KIAA1958: variants seen among roughly 807,000 people sequenced by gnomAD.
KIAA1958 encodes uncharacterized protein KIAA1958.
KIAA1958 carries 14 observed loss-of-function variants against 47.2 expected under a neutral mutation model. The observed-to-expected ratio is 0.30, with a 90% CI of 0.20 to 0.46. KIAA1958 has a LOEUF of 0.46. Ranked by LOEUF, KIAA1958 falls within the 20% of genes least tolerant of loss-of-function variation. The probability of loss-of-function intolerance (pLI) is 1.00; values close to 1 mark genes in which losing one functional copy is unlikely to be tolerated. For synonymous variants in KIAA1958, 354 were observed against 353.3 expected, an observed-to-expected ratio of 1.00 and a Z score of -0.02; for missense variants, 803 against 909.2, an observed-to-expected ratio of 0.88 and a Z score of 1.50.
chr9:112,495,787 C>T (rs778210825), intron 1 of KIAA1958, among the ~76,000 whole-genome samples: 10 of 152,324 alleles, frequency 6.6e-5, no homozygotes, highest in Middle Eastern at 3.4e-3. Context: ...TGTTCCCTTC[C>T]GCAGTGAGTC....
At chr9:112,558,008 C>T (rs1049753172) in intron 1 of KIAA1958, among the ~76,000 whole-genome samples, 9 of 151,992 alleles carry the variant, frequency 5.9e-5, no homozygotes, top group Admixed American at 1.3e-4. Flanking sequence ...GGGTGGATCA[C>T]GAGGTCAGGA....
intron 1 of KIAA1958, among the ~76,000 whole-genome samples, chr9:112,513,396 C>A (rs1260588653): frequency 1.3e-5 from 2 of 149,144 alleles, no homozygotes; most frequent in African/African-American, 5.0e-5. Context: ...TGCAGAGGCT[C>A]AGGGGAGAGC....
chr9:112,568,655 G>A (rs1588021651), intron 1 of KIAA1958, among the ~76,000 whole-genome samples: 1 of 152,028 alleles, frequency 6.6e-6, no homozygotes, highest in East Asian at 1.9e-4. Flanking sequence ...GGCTGAGGTA[G>A]ATCGCTTGAG....
intron 1 of KIAA1958, among the ~76,000 whole-genome samples, chr9:112,569,021 T>A (rs1274427675): frequency 1.4e-5 from 2 of 141,498 alleles, no homozygotes; most frequent in African/African-American, 5.3e-5. Flanking sequence ...TGCATGGAGG[T>A]AGTCTGTAAG....
chr9:112,502,103 G>A (rs984819884), intron 1 of KIAA1958, among the ~76,000 whole-genome samples: 3 of 152,170 alleles, frequency 2.0e-5, no homozygotes, highest in African/African-American at 7.2e-5. Context: ...TGAGTAGAAA[G>A]GAGGAGGGGA....
chr9:112,533,508 G>A (rs574396976), intron 1 of KIAA1958, among the ~76,000 whole-genome samples: 11 of 147,034 alleles, frequency 7.5e-5, no homozygotes, highest in Non-Finnish European at 4.4e-5. Context: ...GTGAACCCGG[G>A]AGACGGAGCT....
chr9:112,634,784 C>T (rs1836775326), intron 2 of KIAA1958, among the ~76,000 whole-genome samples: 1 of 152,056 alleles, frequency 6.6e-6, no homozygotes, highest in African/African-American at 2.4e-5. Flanking sequence ...TCTGTTTATC[C>T]ACTTTTTACT....
At chr9:112,535,000 A>C (rs568188072) in intron 1 of KIAA1958, among the ~76,000 whole-genome samples, 1 of 152,290 alleles carries the variant, frequency 6.6e-6, no homozygotes, top group East Asian at 1.9e-4. Flanking sequence ...AAAATTGTAT[A>C]TATTTATGGT....
At chr9:112,573,400 C>T (rs1167137046) in intron 1 of KIAA1958, among the ~76,000 whole-genome samples, 1 of 152,164 alleles carries the variant, frequency 6.6e-6, no homozygotes, top group East Asian at 1.9e-4. Flanking sequence ...CTTCTTTGGT[C>T]TACAGCCTTC....
At chr9:112,521,926 A>T (rs1408736820) in intron 1 of KIAA1958, among the ~76,000 whole-genome samples, 1 of 151,762 alleles carries the variant, frequency 6.6e-6, no homozygotes. Context: ...CACTTGAATA[A>T]TCATTGCTGG....
intron 2 of KIAA1958, among the ~76,000 whole-genome samples, chr9:112,639,317 A>T (rs1279629279): frequency 2.0e-5 from 3 of 152,132 alleles, no homozygotes; most frequent in Non-Finnish European, 4.4e-5. Context: ...TGCCACCCAC[A>T]TACATACAGA....
Position 112,574,943 on chromosome 9 carries a change from C to G in KIAA1958, c.863C>G (p.Ser288Cys). 3 of 1,614,070 alleles carry G rather than the reference C, an allele frequency of 1.9e-6. No individual in the cohort carries two copies. Residue 288 changes from serine (S) to cysteine (C), a missense_variant, in exon 2 of 4, where the codon TCT (serine) becomes TGT (cysteine). Ser to Cys is a moderately radical substitution (Grantham distance 112). Transcript: ENST00000337530. ...ATTGTCCAGAAGACTGCTAGGGTAT[C>G]TCTGGCTTCACCAAACAGAGGACCC... ...RPIVQKTARVSLASPNRGPPG... is the reference protein window; with the variant it reads ...RPIVQKTARVCLASPNRGPPG...
At chr9:112,608,889 G>C (rs987703550) in intron 2 of KIAA1958, among the ~76,000 whole-genome samples, 1 of 152,184 alleles carries the variant, frequency 6.6e-6, no homozygotes, top group African/African-American at 2.4e-5. Flanking sequence ...AAAAAGAGAA[G>C]AGAGAGAATT....
intron 1 of KIAA1958, among the ~76,000 whole-genome samples, chr9:112,541,366 T>C (rs2132823567): frequency 7.7e-6 from 1 of 129,646 alleles, no homozygotes; most frequent in East Asian, 2.3e-4. Flanking sequence ...AAAAAAAAAA[T>C]TAAGAAAAGC....
chr9:112,525,555 A>G (rs1306666287), intron 1 of KIAA1958, among the ~76,000 whole-genome samples: 1 of 152,172 alleles, frequency 6.6e-6, no homozygotes, highest in Non-Finnish European at 1.5e-5. Context: ...TAATTTTGCT[A>G]TTCCTAATGA....
At chr9:112,568,740 G>C (rs560402219) in intron 1 of KIAA1958, among the ~76,000 whole-genome samples, 2 of 151,116 alleles carry the variant, frequency 1.3e-5, no homozygotes, top group African/African-American at 4.9e-5. Context: ...ATATAAAAAT[G>C]AGCCAGGTGT....
At chr9:112,553,901 A>C (rs1166526098) in intron 1 of KIAA1958, among the ~76,000 whole-genome samples, 1 of 152,246 alleles carries the variant, frequency 6.6e-6, no homozygotes, top group East Asian at 1.9e-4. Flanking sequence ...ATATTTATTG[A>C]ATGAATAAAT....
At chr9:112,555,123 T>C (rs1309312245) in intron 1 of KIAA1958, among the ~76,000 whole-genome samples, 2 of 152,114 alleles carry the variant, frequency 1.3e-5, no homozygotes, top group Non-Finnish European at 2.9e-5. Flanking sequence ...GAAAAATTAG[T>C]GGGTGAGTTC....
chr9:112,592,521 A>T (rs1458152399), intron 2 of KIAA1958, among the ~76,000 whole-genome samples: 1 of 152,208 alleles, frequency 6.6e-6, no homozygotes, highest in African/African-American at 2.4e-5. Context: ...GTATGTTTTA[A>T]TGGGTCATTG....
Sources: gnomAD v4.1 joint callset for allele counts (sites outside exome capture counted in the v4.1 genomes callset) on GRCh38, gnomAD v4.1.1 for gene constraint, MANE v1.5 for transcripts, NCBI Gene and HGNC (gene_info 2026-07-23, HGNC 2026-07-21) for gene names.